RNF150: variants seen among roughly 807,000 people sequenced by gnomAD.
The protein encoded by RNF150 is ring finger protein 150.
Under a neutral mutation model 39.3 loss-of-function variants are expected in RNF150, and 24 were observed. That is an observed-to-expected ratio of 0.61 (90% CI 0.44 to 0.86). The LOEUF is 0.86. Ranked by LOEUF, RNF150 falls within the 40% of genes least tolerant of loss-of-function variation. RNF150 has a pLI of 0.00. For missense variants in RNF150, 502 were observed against 587.8 expected (o/e 0.85, Z 1.51); for synonymous variants, 255 against 227.3 (o/e 1.12, Z -1.10).
chr4:140,948,537 T>C (rs1249792813), intron 3 of RNF150, among the ~76,000 whole-genome samples: 1 of 152,218 alleles, frequency 6.6e-6, no homozygotes, highest in Admixed American at 6.5e-5. Context: ...CTATTGCTTT[T>C]GGCTTTATGA....
At position 141,202,527 on chromosome 4, in the gene RNF150, C is replaced by T. The variant is rs367677845; in HGVS notation, c.-6+10267G>A. 2.6e-4 allele frequency among the ~76,000 whole-genome samples: 39 copies of T among 151,956 alleles called. No individual in the cohort carries two copies. The East Asian group carries it at 3.1e-3, about 12-fold the overall frequency. Reference sequence around the variant, plus strand: ...AGTAAGACCTTTAAAAAAAATTACACCAAGTTAACATAGAATGATTATTTT... The same window carrying T: ...AGTAAGACCTTTAAAAAAAATTACATCAAGTTAACATAGAATGATTATTTT... On this transcript the variant is annotated intron_variant, in intron 1 of 7. Coordinates refer to the RNF150 transcript ENST00000420921.
At chr4:140,904,995 A>G (rs1730322934) in intron 6 of RNF150, among the ~76,000 whole-genome samples, 1 of 152,236 alleles carries the variant, frequency 6.6e-6, no homozygotes, top group African/African-American at 2.4e-5. Flanking sequence ...TAGAGAAAGC[A>G]AATCCTTGCA....
At chr4:141,065,557 T>TA (rs1383042132) in intron 1 of RNF150, among the ~76,000 whole-genome samples, 1 of 151,170 alleles carries the variant, frequency 6.6e-6, no homozygotes, top group Non-Finnish European at 1.5e-5. Flanking sequence ...TATTTGTAAT[T>TA]TTTTTTTTAC....
chr4:141,193,598 T>G (rs1275668973), intron 1 of RNF150, among the ~76,000 whole-genome samples: 1 of 152,216 alleles, frequency 6.6e-6, no homozygotes, highest in African/African-American at 2.4e-5. Flanking sequence ...GCCAAGTTTT[T>G]TTTTTCCCAG....
chr4:141,079,642 C>A (rs1738073882), intron 1 of RNF150, among the ~76,000 whole-genome samples: 1 of 152,226 alleles, frequency 6.6e-6, no homozygotes, highest in Non-Finnish European at 1.5e-5. Context: ...CTACAGACAG[C>A]AATGGAAGAA....
intron 4 of RNF150, among the ~76,000 whole-genome samples, chr4:140,936,701 A>C (rs1402538578): frequency 1.3e-5 from 2 of 152,138 alleles, no homozygotes; most frequent in Admixed American, 6.5e-5. Context: ...CAAAAACACT[A>C]AAACAAAATG....
At chr4:141,177,778 G>C (rs552048730) in intron 1 of RNF150, among the ~76,000 whole-genome samples, 1 of 152,246 alleles carries the variant, frequency 6.6e-6, no homozygotes, top group East Asian at 1.9e-4. Flanking sequence ...TCATTTCATT[G>C]ATACCTTGCG....
At chr4:141,150,619 GC>G (rs753449361) in intron 1 of RNF150, among the ~76,000 whole-genome samples, 13 of 152,118 alleles carry the variant, frequency 8.5e-5, no homozygotes, top group Non-Finnish European at 1.5e-4. Context: ...GGCCTATATG[GC>G]CCCTGATGAA....
chr4:141,186,082 T>C (rs183545381), intron 1 of RNF150, among the ~76,000 whole-genome samples: 2 of 152,332 alleles, frequency 1.3e-5, no homozygotes, highest in Non-Finnish European at 2.9e-5. Context: ...TTTTCTATTG[T>C]TTGGAATAGT....
At chr4:141,029,579 G>A (rs1735846327) in intron 1 of RNF150, among the ~76,000 whole-genome samples, 1 of 152,164 alleles carries the variant, frequency 6.6e-6, no homozygotes, top group South Asian at 2.1e-4. Flanking sequence ...ATGGGAATGG[G>A]ATAACCATAA....
At chr4:140,940,446 T>C (rs1732038153) in intron 4 of RNF150, among the ~76,000 whole-genome samples, 1 of 152,024 alleles carries the variant, frequency 6.6e-6, no homozygotes, top group South Asian at 2.1e-4. Flanking sequence ...GTTAGGCAAA[T>C]AAATTATGGC....
At chr4:141,172,185 G>A (rs1158757633) in intron 1 of RNF150, among the ~76,000 whole-genome samples, 1 of 151,924 alleles carries the variant, frequency 6.6e-6, no homozygotes, top group African/African-American at 2.4e-5. Flanking sequence ...GCTCTGCTCA[G>A]TGTACTTCTC....
intron 1 of RNF150, among the ~76,000 whole-genome samples, chr4:141,007,825 G>A (rs1375753810): frequency 1.3e-5 from 2 of 152,132 alleles, no homozygotes; most frequent in Non-Finnish European, 2.9e-5. Flanking sequence ...ATCCCAGAGA[G>A]GTACATAACC....
upstream of RNF150, among the ~76,000 whole-genome samples, chr4:141,137,930 G>A (rs1403424492): frequency 1.3e-5 from 2 of 152,148 alleles, no homozygotes; most frequent in Non-Finnish European, 2.9e-5. Flanking sequence ...GGGCTCTTTG[G>A]TGTACAGAGA....
intron 1 of RNF150, among the ~76,000 whole-genome samples, chr4:141,014,923 G>GT (rs925835277): frequency 9.3e-5 from 14 of 150,626 alleles, no homozygotes; most frequent in African/African-American, 2.0e-4. Context: ...TTTCCCCTAT[G>GT]TTTTTTTTTC....
At chr4:141,209,289 C>G (rs891154081) in intron 1 of RNF150, among the ~76,000 whole-genome samples, 1 of 151,898 alleles carries the variant, frequency 6.6e-6, no homozygotes. Flanking sequence ...TACTATTGTA[C>G]ATGCTATATG....
chr4:140,896,686 A>AT (rs1383157676), intron 6 of RNF150, among the ~76,000 whole-genome samples: 1 of 35,482 alleles, frequency 2.8e-5, no homozygotes, highest in African/African-American at 7.2e-5. Context: ...TTAGAGTATA[A>AT]TAAAAAAAAA....
chr4:141,088,658 G>A (rs572962454), intron 1 of RNF150, among the ~76,000 whole-genome samples: 1 of 147,922 alleles, frequency 6.8e-6, no homozygotes, highest in Non-Finnish European at 1.5e-5. Context: ...GAAATATAAA[G>A]TGTAGAAACA....
chr4:141,003,148 G>A (rs1392517760), intron 1 of RNF150, among the ~76,000 whole-genome samples: 1 of 152,086 alleles, frequency 6.6e-6, no homozygotes, highest in African/African-American at 2.4e-5. Flanking sequence ...GGCCAAGCAG[G>A]AGAGGTAAAA....
Sources: allele counts gnomAD v4.1 joint callset (sites outside exome capture counted in the v4.1 genomes callset), GRCh38; gene constraint gnomAD v4.1.1; transcripts MANE v1.5; gene names NCBI Gene and HGNC (gene_info 2026-07-23, HGNC 2026-07-21).